WAC: variants seen among roughly 807,000 people sequenced by gnomAD.
The protein encoded by WAC is WW domain-containing adapter protein with coiled-coil.
Under a neutral mutation model 79.6 loss-of-function variants are expected in WAC, and 11 were observed. That is an observed-to-expected ratio of 0.14 (90% CI 0.09 to 0.23). The LOEUF (loss-of-function observed/expected upper bound fraction) is 0.23. Ranked by LOEUF, WAC falls within the 10% of genes least tolerant of loss-of-function variation. The pLI, the probability that WAC is intolerant of heterozygous loss-of-function variation, is 1.00. For missense variants in WAC, 728 were observed against 773.5 expected, an observed-to-expected ratio of 0.94 and a Z score of 0.70; for synonymous variants, 304 against 276.9, an observed-to-expected ratio of 1.10 and a Z score of -0.97.
intron 7 of WAC, among the ~76,000 whole-genome samples, chr10:28,607,930 T>C (rs1418269060): frequency 6.6e-6 from 1 of 152,218 alleles, no homozygotes; most frequent in South Asian, 2.1e-4. Flanking sequence ...ATGGGTATGA[T>C]TTACCAGGTT....
rs1314295955 is a variant in WAC at position 28,616,243 on chromosome 10, G to T, written c.1627G>T (p.Val543Leu). ...NSSNASNATV[V>L]PQNSSARSTC... ...TAGTAATGCATCAAATGCAACAGTTGTACCACAGAATTCTTCTGCCCGATC... is the reference window on the plus strand; with the variant it reads ...TAGTAATGCATCAAATGCAACAGTTTTACCACAGAATTCTTCTGCCCGATC... The change falls in exon 12 of 14, where the codon GTA (valine) becomes TTA (leucine). Residue 543 changes from valine (V) to leucine (L), a missense_variant. Val to Leu is a conservative substitution (Grantham distance 32). This residue lies in a region of WAC where 648 missense variants were observed against 661.5 expected (regional missense o/e 0.98). Coordinates refer to ENST00000354911, the MANE Select transcript of WAC (RefSeq NM_016628.5). The T allele has an allele frequency of 6.2e-7, 1 of 1,613,940 alleles. No individual in the cohort carries two copies. The highest frequency in any genetic ancestry group is 1.7e-5 in the Admixed American group (1 of 59,968).
Position 28,594,680 on chromosome 10 carries a change from G to C in WAC, c.611-1053G>C, listed in dbSNP as rs544219622. ...GTTCCTCCTTCGTTGTTTTGTCTTG[G>C]TCTTTACAATTGGAGGAGCTGTGAA... On this transcript the variant is annotated intron_variant, in intron 6 of 13. Coordinates refer to ENST00000354911, the MANE Select transcript of WAC (RefSeq NM_016628.5). 1.2e-4 allele frequency among the ~76,000 whole-genome samples: 19 copies of C among 152,100 alleles called. No individual in the cohort carries two copies. The East Asian group carries it at 2.1e-3, about 17-fold the overall frequency.
intron 7 of WAC, among the ~76,000 whole-genome samples, chr10:28,597,408 G>T (rs560374375): frequency 6.6e-6 from 1 of 152,232 alleles, no homozygotes; most frequent in Admixed American, 6.5e-5. Flanking sequence ...AAATTCTGAT[G>T]ACCCTTTGAA....
At chr10:28,536,197 G>C (rs760187484) in intron 3 of WAC, among the ~76,000 whole-genome samples, 6 of 150,838 alleles carry the variant, frequency 4.0e-5, no homozygotes, top group Non-Finnish European at 7.4e-5. Flanking sequence ...CAGTCAGCCT[G>C]AGATGGTGCC....
chr10:28,550,124 A>C (rs1006416446), intron 3 of WAC, among the ~76,000 whole-genome samples: 4 of 151,496 alleles, frequency 2.6e-5, no homozygotes, highest in Non-Finnish European at 5.9e-5. Context: ...AGCGGAGATC[A>C]CACCACTGCA....
At chr10:28,613,543 T>C (rs139425424) in intron 10 of WAC, among the ~76,000 whole-genome samples, 104 of 152,338 alleles carry the variant, frequency 6.8e-4, no homozygotes, top group African/African-American at 2.3e-3. Context: ...GCTGTTCGTT[T>C]TTTGTGTTCC....
intron 3 of WAC, among the ~76,000 whole-genome samples, chr10:28,573,675 T>C (rs1366221113): frequency 1.3e-5 from 2 of 152,234 alleles, no homozygotes; most frequent in African/African-American, 4.8e-5. Context: ...GTCACATGTA[T>C]AGTAGATTGC....
rs528810769 is a variant in WAC, at chr10:28,599,135, A to G, written c.919+3094A>G. Among the ~76,000 whole-genome samples, 3 of 152,274 alleles carry G rather than the reference A, an allele frequency of 2.0e-5. No individual in the cohort carries two copies. In the South Asian group the frequency reaches 6.2e-4, roughly 32 times the overall value. On this transcript the variant is annotated intron_variant, in intron 7 of 13. Coordinates refer to ENST00000354911, the MANE Select transcript of WAC (RefSeq NM_016628.5). ...CCATGTTATTTAAATTAAGCTTTCT[A>G]TTGACTCTTCTCATCAGTAGATGAT...
At chr10:28,615,342 C>T (rs1263598893) in intron 11 of WAC, 1 of 152,194 alleles carries the variant, frequency 6.6e-6, no homozygotes, top group Non-Finnish European at 1.5e-5. Flanking sequence ...TCAGAACTTA[C>T]ACCTCCAAAT....
intron 3 of WAC, among the ~76,000 whole-genome samples, chr10:28,580,350 C>CT (rs1235151797): frequency 2.0e-5 from 3 of 152,338 alleles, no homozygotes; most frequent in Admixed American, 2.0e-4. Context: ...GGAATAGTCA[C>CT]TAAAGCGGAG....
chr10:28,595,638 A>G (rs1840323261), intron 6 of WAC, 95 bp from the exon 7 acceptor site: 2 of 1,234,202 alleles, frequency 1.6e-6, no homozygotes, highest in Non-Finnish European at 2.2e-6. Flanking sequence ...GTATGTTGCT[A>G]AATTAGCTGA....
chr10:28,537,289 T>C (rs1836732100), intron 3 of WAC, among the ~76,000 whole-genome samples: 1 of 152,196 alleles, frequency 6.6e-6, no homozygotes, highest in Non-Finnish European at 1.5e-5. Context: ...TGGGTAAGTT[T>C]TCCATAGTAT....
intron 3 of WAC, among the ~76,000 whole-genome samples, chr10:28,554,206 T>A (rs1837858107): frequency 6.6e-6 from 1 of 152,132 alleles, no homozygotes; most frequent in Admixed American, 6.6e-5. Context: ...GTGCATAGGT[T>A]ATATGCAAAT....
At chr10:28,594,250 C>T (rs143447515) in intron 6 of WAC, among the ~76,000 whole-genome samples, 2 of 151,982 alleles carry the variant, frequency 1.3e-5, no homozygotes, top group East Asian at 1.9e-4. Context: ...TTTTGACTAG[C>T]GATATAGAAC....
Position 28,612,012 on chromosome 10 carries a change from C to G in WAC, c.1437+90C>G. The G allele has an allele frequency of 2.7e-6, 4 of 1,483,848 alleles. No individual in the cohort carries two copies. In the East Asian group the frequency reaches 6.8e-5, roughly 25 times the overall value. 91.9% of individuals were successfully genotyped at this position (1,483,848 alleles called of 1,614,324 possible). ...TAGAATCTGTTATAGAAAAAGCCCT[C>G]TGAGAATGAGGTGTAGTGGTGGAAT... On this transcript the variant is annotated intron_variant, in intron 10 of 13. Coordinates refer to ENST00000354911, the MANE Select transcript of WAC (RefSeq NM_016628.5).
chr10:28,566,872 A>C lies in WAC; in HGVS notation c.275-16527A>C, dbSNP rs74814096. Among the ~76,000 whole-genome samples, 348 of 150,676 alleles carry C rather than the reference A, an allele frequency of 2.3e-3. 3 individuals carry two copies. The highest frequency in any genetic ancestry group is 8.2e-3 in the African/African-American group (337 of 41,200). ...TCTTTATTTTTGCTGGTATGTGGTG[A>C]GTCCTTTTCAATCTGCAGATTCAGA... On this transcript the variant is annotated intron_variant, in intron 3 of 13. Coordinates refer to ENST00000354911, the MANE Select transcript of WAC (RefSeq NM_016628.5).
intron 4 of WAC, among the ~76,000 whole-genome samples, chr10:28,585,478 A>G (rs1839770894): frequency 6.6e-6 from 1 of 152,044 alleles, no homozygotes; most frequent in Non-Finnish European, 1.5e-5. Flanking sequence ...CTGAGAAAAC[A>G]GCTCGCTAAG....
At chr10:28,543,112 A>G (rs1359010147) in intron 3 of WAC, among the ~76,000 whole-genome samples, 2 of 152,244 alleles carry the variant, frequency 1.3e-5, no homozygotes, top group African/African-American at 4.8e-5. Context: ...GTGTATACTA[A>G]GCACCTGGAG....
intron 3 of WAC, among the ~76,000 whole-genome samples, chr10:28,577,044 A>G (rs143917544): frequency 6.6e-6 from 1 of 152,306 alleles, no homozygotes; most frequent in East Asian, 1.9e-4. Context: ...ATTGAATAGC[A>G]CAAATGTAGA....
Sources: gnomAD v4.1 joint callset for allele counts (sites outside exome capture counted in the v4.1 genomes callset) on GRCh38, gnomAD v4.1.1 for gene constraint, gnomAD v4.1.1 regional missense constraint, MANE v1.5 for transcripts, NCBI Gene and HGNC (gene_info 2026-07-23, HGNC 2026-07-21) for gene names.